SLC4A9: variants seen among roughly 807,000 people sequenced by gnomAD.
SLC4A9 encodes solute carrier family 4 member 9.
SLC4A9 carries 102 observed loss-of-function variants against 103.2 expected under a neutral mutation model. The ratio of observed to expected loss-of-function variants is 0.99; its 90% CI spans 0.84 to 1.17. SLC4A9 has a LOEUF of 1.17. Among genes scored for constraint, SLC4A9 ranks in the 50% most tolerant of loss-of-function variants. The pLI is 0.00. For missense variants in SLC4A9, 1,091 were observed against 1,193.7 expected, an observed-to-expected ratio of 0.91 and a Z score of 1.27; for synonymous variants, 453 against 483.6, an observed-to-expected ratio of 0.94 and a Z score of 0.83.
Position 140,370,775 on chromosome 5 carries a change from G to T in SLC4A9, c.2428-320G>T, listed in dbSNP as rs115989329. On this transcript the variant is annotated intron_variant, in intron 17 of 21. Transcript: ENST00000506757. ...TGGGCATGTTGAGGGAAGGAAAGGC[G>T]GTTAGTATAGTGGGAGCATAAAGAA... 55 of 286,546 alleles carry T rather than the reference G, an allele frequency of 1.9e-4. No homozygotes were observed. In the East Asian group the frequency reaches 3.7e-3, roughly 19 times the overall value. 17.8% of individuals were successfully genotyped at this position (286,546 alleles called of 1,614,324 possible).
chr5:140,370,835 A>G, intron 17 of SLC4A9: 1 of 479,868 alleles, frequency 2.1e-6, no homozygotes, highest in Non-Finnish European at 3.8e-6. Flanking sequence ...TTGGAATGGT[A>G]GGCCAGGTAA....
chr5:140,362,496 G>A lies in SLC4A9; in HGVS notation c.771G>A (p.Glu257=). 1 of 1,614,056 alleles carries A rather than the reference G, an allele frequency of 6.2e-7. No homozygotes were observed. Among genetic ancestry groups the A allele is most frequent in the Middle Eastern group, 1.6e-4 (1 of 6,062 alleles). The change falls in exon 6 of 22, where the codon GAG becomes GAA. Residue 257 remains glutamate (E), a synonymous_variant. Transcript: ENST00000506757. ...GTATGCTGGGAAAGGGCTACCATGA[G>A]ATGGGACGGGCAGCAGCTGTCCTCC... ...GPCMLGKGYH[E]MGRAAAVLLS...
At chr5:140,364,873 C>T (rs1581143675) in intron 11 of SLC4A9, among the ~76,000 whole-genome samples, 1 of 152,222 alleles carries the variant, frequency 6.6e-6, no homozygotes, top group Non-Finnish European at 1.5e-5. Context: ...GAATGGGCTT[C>T]CTAATGATGA....
intron 14 of SLC4A9, 63 bp from the exon 15 acceptor site, chr5:140,367,357 A>G (rs1768026949): frequency 6.5e-7 from 1 of 1,549,410 alleles, no homozygotes; most frequent in South Asian, 1.2e-5. Context: ...CAAGGTTGAG[A>G]TGTGCAGGTG....
chr5:140,372,721 C>A, intron 20 of SLC4A9, 24 bp from the exon 21 acceptor site: 1 of 1,540,130 alleles, frequency 6.5e-7, no homozygotes, highest in Admixed American at 2.2e-5. Context: ...ATTCTCAATC[C>A]ATCTTGGGAT....
chr5:140,364,196 G>A lies in SLC4A9; in HGVS notation c.1388+9G>A, dbSNP rs927752816. 1.0e-5 allele frequency: 16 copies of A among 1,563,900 alleles called. No homozygotes were observed. Among genetic ancestry groups the A allele is most frequent in the Admixed American group, 3.7e-5 (2 of 53,928 alleles). ...CTCTTCTCTTTCAGCAGGTAGGAGA[G>A]CTCCCCCCATCACCGGACCCTCACT... On this transcript the variant is annotated intron_variant, in intron 10 of 21. Transcript: ENST00000506757.
At chr5:140,371,718 C>A in intron 19 of SLC4A9, 94 bp downstream of exon 19, 2 of 1,377,746 alleles carry the variant, frequency 1.5e-6, no homozygotes, top group East Asian at 2.4e-5. Flanking sequence ...GGAAGAATCT[C>A]CCCTCTCACT....
rs375453153 is a variant in SLC4A9 at position 140,365,896 on chromosome 5, C to T, written c.1773C>T (p.His591=). The T allele has an allele frequency of 7.1e-5, 115 of 1,614,012 alleles. No homozygotes were observed. The Middle Eastern group carries it at 8.2e-4, about 12-fold the overall frequency. ...CTGAGTGCACCCGGCAGGGAGGCCA[C>T]CCTCGTGGCCCTGGCTGTCATACAG... is the stretch of plus-strand genomic sequence containing the variant. ...PPPECTRQGG[H]PRGPGCHTVP... The change falls in exon 13 of 22, where the codon CAC becomes CAT. Residue 591 remains histidine (H), a synonymous_variant. Transcript: ENST00000506757.
At chr5:140,364,754 C>T (rs2126762328) in intron 11 of SLC4A9, 129 bp downstream of exon 11, 1 of 1,091,688 alleles carries the variant, frequency 9.2e-7, no homozygotes, top group Non-Finnish European at 1.3e-6. Context: ...ACTGGCAGTA[C>T]TATTTACACT....
In SLC4A9 at chr5:140,364,487, G is replaced by A. The variant is rs761231379; in HGVS notation, c.1513G>A (p.Glu505Lys). The change falls in exon 11 of 22, where the codon GAA (glutamate) becomes AAA (lysine). Residue 505 changes from glutamate (E) to lysine (K), a missense_variant. By Grantham distance (56) the Glu-to-Lys change is moderately conservative. Transcript: ENST00000506757. ...LVRYFTRFTEEGFCALISLIF... is the reference protein window; with the variant it reads ...LVRYFTRFTEKGFCALISLIF... ...GCGCTACTTCACCCGCTTCACTGAGGAAGGTTTCTGTGCCCTCATCAGCCT... is the reference window on the plus strand; with the variant it reads ...GCGCTACTTCACCCGCTTCACTGAGAAAGGTTTCTGTGCCCTCATCAGCCT... 4 of 1,612,504 alleles carry A rather than the reference G, an allele frequency of 2.5e-6. No homozygotes were observed. The South Asian group carries it at 4.4e-5, about 18-fold the overall frequency.
chr5:140,364,258 GGA>G, intron 10 of SLC4A9, 71 bp downstream of exon 10: 2 of 1,579,556 alleles, frequency 1.3e-6, no homozygotes, highest in Non-Finnish European at 1.7e-6. Context: ...TGGGTGAATA[GGA>G]GAGAGTGGGA....
chr5:140,368,157 G>T (rs560234461), intron 16 of SLC4A9, among the ~76,000 whole-genome samples: 3 of 152,292 alleles, frequency 2.0e-5, no homozygotes, highest in South Asian at 4.1e-4. Context: ...GAAGTGGAGG[G>T]TCAGGTGCCA....
intron 6 of SLC4A9, 64 bp downstream of exon 6, chr5:140,362,596 A>G: frequency 7.0e-7 from 1 of 1,436,054 alleles, no homozygotes; most frequent in Non-Finnish European, 9.8e-7. Context: ...GTGTGCACAC[A>G]TGCATACATG....
In SLC4A9 at chr5:140,368,457, G is replaced by GCTCA. The variant is rs1331148663; in HGVS notation, c.2355-130_2355-129insCTCA. On this transcript the variant is annotated intron_variant, in intron 16 of 21. Transcript: ENST00000506757. ...TCAAGCTAAGGGCTCATCCCTCTGG[G>GCTCA]TGACCTACTGGGGTATTCCTCTAGT... 76 of 654,880 alleles carry GCTCA rather than the reference G, an allele frequency of 1.2e-4. No homozygotes were observed. In the East Asian group the frequency reaches 2.0e-3, roughly 18 times the overall value. 40.6% of individuals were successfully genotyped at this position (654,880 alleles called of 1,614,324 possible).
At position 140,372,400 on chromosome 5, in the gene SLC4A9, G is replaced by T; in HGVS notation, c.2826+3G>T. On this transcript the variant is annotated splice_donor_region_variant and intron_variant, in intron 20 of 21. Coordinates refer to ENST00000506757, the MANE Select transcript of SLC4A9 (RefSeq NM_031467.3). ...TCAGTGGAAGTGACAGTGAAGATGT[G>T]AGCTCCAGGCTGGGTCCTCTCAGGA... is the stretch of plus-strand genomic sequence containing the variant. 1 of 1,609,682 alleles carries T rather than the reference G, an allele frequency of 6.2e-7. No homozygotes were observed. Among genetic ancestry groups the T allele is most frequent in the Non-Finnish European group, 8.5e-7 (1 of 1,178,912 alleles).
chr5:140,362,978 C>A lies in SLC4A9; in HGVS notation c.874C>A (p.Leu292Ile). The A allele has an allele frequency of 1.2e-6, 2 of 1,613,194 alleles. No individual in the cohort carries two copies. Among genetic ancestry groups the A allele is most frequent in the Non-Finnish European group, 1.7e-6 (2 of 1,179,644 alleles). Residue 292 changes from leucine (L) to isoleucine (I), a missense_variant, in exon 7 of 22, where the codon CTA (leucine) becomes ATA (isoleucine). Transcript: ENST00000506757. ...HDLLAALDAFLEEVTVLPPGR... is the reference protein window; with the variant it reads ...HDLLAALDAFIEEVTVLPPGR... Reference sequence around the variant, plus strand: ...CCTTCTGGCAGCCCTGGATGCATTCCTAGAGGAGGTGACAGTGCTTCCCCC... The same window carrying A: ...CCTTCTGGCAGCCCTGGATGCATTCATAGAGGAGGTGACAGTGCTTCCCCC...
Position 140,363,017 on chromosome 5 carries a change from C to T in SLC4A9, c.913C>T (p.Pro305Ser). 1 of 1,612,922 alleles carries T rather than the reference C, an allele frequency of 6.2e-7. No individual in the cohort carries two copies. Among genetic ancestry groups the T allele is most frequent in the Non-Finnish European group, 8.5e-7 (1 of 1,179,606 alleles). The change falls in exon 7 of 22, where the codon CCA (proline) becomes TCA (serine). Residue 305 changes from proline to serine, a missense_variant. Transcript: ENST00000506757. The surrounding 1 kb of genome is among the most constrained non-coding windows in gnomAD (Gnocchi z 4.5). The part of the protein sequence containing the change: ...VTVLPPGRWD[P>S]TARIPPPKCL... ...AGTGCTTCCCCCAGGTCGGTGGGAC[C>T]CAACAGCCCGGATTCCCCCGCCCAA...
At chr5:140,372,555 T>C (rs1174963660) in intron 20 of SLC4A9, 158 bp downstream of exon 20, 1 of 1,448,158 alleles carries the variant, frequency 6.9e-7, no homozygotes, top group African/African-American at 1.4e-5. Flanking sequence ...ACTGAAGGGG[T>C]GAAGGAAATC....
chr5:140,362,787 C>A, intron 6 of SLC4A9, 125 bp from the exon 7 acceptor site: 1 of 1,237,456 alleles, frequency 8.1e-7, no homozygotes, highest in Non-Finnish European at 1.2e-6. Flanking sequence ...TTAATGCATG[C>A]ATAAAGGAAT....
Sources: gnomAD v4.1 joint callset for allele counts (sites outside exome capture counted in the v4.1 genomes callset) on GRCh38, gnomAD v4.1.1 for gene constraint, Gnocchi (gnomAD v3.1) non-coding constraint, MANE v1.5 for transcripts, NCBI Gene and HGNC (gene_info 2026-07-23, HGNC 2026-07-21) for gene names.